Variants in COLEC10 observed in about 807,000 individuals in gnomAD.
COLEC10 encodes collectin-10.
In COLEC10, 22 loss-of-function variants were observed where a neutral mutation model predicts 28.4. The ratio of observed to expected loss-of-function variants is 0.78; its 90% CI spans 0.55 to 1.11. The LOEUF (loss-of-function observed/expected upper bound fraction) is 1.11, where lower values mean the gene tolerates loss of function less well. Ranked by LOEUF, COLEC10 falls within the 50% of genes least tolerant of loss-of-function variation. COLEC10 has a pLI of 0.00. For missense variants in COLEC10, 361 were observed against 344.1 expected (o/e 1.05, Z -0.39); for synonymous variants, 125 against 116.1 (o/e 1.08, Z -0.49).
At chr8:119,066,788 A>G (rs921116455), upstream of COLEC10, among the ~76,000 whole-genome samples, 1 of 152,232 alleles carries the variant, frequency 6.6e-6, no homozygotes, top group Non-Finnish European at 1.5e-5. Flanking sequence ...TAAGAAGGTC[A>G]TGGAGGGCAT....
chr8:119,024,859 A>C (rs1456965738), intron 2 of COLEC10, among the ~76,000 whole-genome samples: 1 of 152,162 alleles, frequency 6.6e-6, no homozygotes, highest in Non-Finnish European at 1.5e-5. Flanking sequence ...ATCTGCTATA[A>C]ATGGTTCAAA....
the COLEC10 span, among the ~76,000 whole-genome samples, chr8:118,985,399 A>G: frequency 6.6e-6 from 1 of 152,092 alleles, no homozygotes; most frequent in Non-Finnish European, 1.5e-5. Flanking sequence ...GAAATTTCAT[A>G]ATTTTTCGTT....
rs1328561896 is a variant in COLEC10, at chr8:119,108,195, C to A, written c.*2004C>A. Among the ~76,000 whole-genome samples the A allele has an allele frequency of 6.6e-6, 1 of 152,112 alleles. No individual in the cohort carries two copies. Among genetic ancestry groups the A allele is most frequent in the Non-Finnish European group, 1.5e-5 (1 of 68,014 alleles). On this transcript the variant is annotated 3_prime_UTR_variant, in exon 6 of 6. Coordinates refer to ENST00000332843, the MANE Select transcript of COLEC10 (RefSeq NM_006438.5). ...GCTTAATAAAAATTACAAAGTAGGA[C>A]ATCAAACGCCAGTATCCTTGGATAG... is the stretch of plus-strand genomic sequence containing the variant.
chr8:119,067,450 T>C (rs1814993689), intron 1 of COLEC10, 21 bp downstream of exon 1: 1 of 1,608,590 alleles, frequency 6.2e-7, no homozygotes, highest in Non-Finnish European at 8.5e-7. Context: ...AAAACCACAA[T>C]TTTCATGTAT....
the COLEC10 span, among the ~76,000 whole-genome samples, chr8:118,980,014 G>A: frequency 0.032 from 4,929 of 152,124 alleles, 150 homozygotes; most frequent in East Asian, 0.16. Context: ...TAATCTGAGA[G>A]AGAGATAGAG....
At chr8:119,028,083 A>C (rs2130121534) in intron 2 of COLEC10, among the ~76,000 whole-genome samples, 1 of 152,294 alleles carries the variant, frequency 6.6e-6, no homozygotes, top group Middle Eastern at 3.4e-3. Flanking sequence ...TTCTTAGCAG[A>C]TATAAGGGTT....
At chr8:119,069,443 A>C (rs1815043864) in intron 1 of COLEC10, among the ~76,000 whole-genome samples, 1 of 150,612 alleles carries the variant, frequency 6.6e-6, no homozygotes, top group South Asian at 2.1e-4. Context: ...AAAAATTAAA[A>C]TAATTTTTTA....
chr8:119,070,900 G>T (rs550127231), intron 1 of COLEC10, among the ~76,000 whole-genome samples: 1 of 152,110 alleles, frequency 6.6e-6, no homozygotes, highest in African/African-American at 2.4e-5. Context: ...TTCCCTATGT[G>T]GTACCAATTT....
chr8:118,967,123 A>C, the COLEC10 span, among the ~76,000 whole-genome samples: 1 of 152,154 alleles, frequency 6.6e-6, no homozygotes, highest in Non-Finnish European at 1.5e-5. Flanking sequence ...ATATTAGAGT[A>C]ACACAGGGTG....
the COLEC10 span, among the ~76,000 whole-genome samples, chr8:118,979,117 T>G: frequency 6.6e-6 from 1 of 152,058 alleles, no homozygotes; most frequent in Non-Finnish European, 1.5e-5. Flanking sequence ...TTTATTTTAT[T>G]GCCTTTATAT....
chr8:119,047,831 G>A (rs572059900), intron 2 of COLEC10, among the ~76,000 whole-genome samples: 1 of 152,062 alleles, frequency 6.6e-6, no homozygotes, highest in East Asian at 1.9e-4. Flanking sequence ...TCTAGAGTTT[G>A]AAAAAATTTA....
chr8:118,991,263 G>T (rs752284928), upstream of COLEC10, among the ~76,000 whole-genome samples: 2 of 152,134 alleles, frequency 1.3e-5, no homozygotes, highest in Non-Finnish European at 2.9e-5. Flanking sequence ...TACTAGCTAT[G>T]TGACATTTGT....
At chr8:119,085,500 T>C (rs1166784221) in intron 1 of COLEC10, among the ~76,000 whole-genome samples, 1 of 151,970 alleles carries the variant, frequency 6.6e-6, no homozygotes, top group Non-Finnish European at 1.5e-5. Context: ...GTGGGAAGGA[T>C]ATATTTTAGG....
At chr8:118,963,166 G>T in the COLEC10 span, among the ~76,000 whole-genome samples, 1 of 152,132 alleles carries the variant, frequency 6.6e-6, no homozygotes, top group African/African-American at 2.4e-5. Context: ...CAGTTCAGGA[G>T]TTACCAAATA....
At chr8:118,980,271 C>T in the COLEC10 span, among the ~76,000 whole-genome samples, 1 of 150,772 alleles carries the variant, frequency 6.6e-6, no homozygotes, top group Non-Finnish European at 1.5e-5. Context: ...GCCATCTCAG[C>T]TCACTGCAAC....
chr8:119,010,009 A>G (rs1462613312), intron 2 of COLEC10, among the ~76,000 whole-genome samples: 1 of 150,874 alleles, frequency 6.6e-6, no homozygotes, highest in East Asian at 1.9e-4. Flanking sequence ...ATGAACATTG[A>G]CACATCATTA....
At chr8:119,041,350 C>T (rs1043455647) in intron 2 of COLEC10, among the ~76,000 whole-genome samples, 2 of 151,868 alleles carry the variant, frequency 1.3e-5, no homozygotes, top group African/African-American at 4.8e-5. Context: ...AAAAACAAAA[C>T]AAATAACAAC....
intron 1 of COLEC10, among the ~76,000 whole-genome samples, chr8:119,087,365 G>T (rs1481033027): frequency 6.6e-6 from 1 of 152,150 alleles, no homozygotes; most frequent in Non-Finnish European, 1.5e-5. Flanking sequence ...GGAGAATTTA[G>T]CCCAGTCTGG....
chr8:119,030,363 G>A (rs563274119), intron 2 of COLEC10, among the ~76,000 whole-genome samples: 2 of 152,104 alleles, frequency 1.3e-5, no homozygotes, highest in Non-Finnish European at 2.9e-5. Flanking sequence ...TTAGTCCACA[G>A]TATAAAAGTG....
Sources: gnomAD v4.1 joint callset for allele counts (sites outside exome capture counted in the v4.1 genomes callset) on GRCh38, gnomAD v4.1.1 for gene constraint, MANE v1.5 for transcripts, NCBI Gene and HGNC (gene_info 2026-07-23, HGNC 2026-07-21) for gene names.